Variants in LDLRAD4 observed in about 807,000 individuals in gnomAD.
LDLRAD4 encodes low-density lipoprotein receptor class A domain-containing protein 4.
Under a neutral mutation model 17.0 loss-of-function variants are expected in LDLRAD4, and 5 were observed. That is an observed-to-expected ratio of 0.29 (90% CI 0.15 to 0.62). The LOEUF (loss-of-function observed/expected upper bound fraction) is 0.62. Among genes scored for constraint, LDLRAD4 ranks in the 20% least tolerant of loss-of-function variants. The pLI is 0.84. For synonymous variants in LDLRAD4, 168 were observed against 171.8 expected (o/e 0.98, Z 0.17); for missense variants, 340 against 424.7 (o/e 0.80, Z 1.75).
chr18:13,254,808 C>G (rs1338889732), intron 1 of LDLRAD4, among the ~76,000 whole-genome samples: 1 of 152,020 alleles, frequency 6.6e-6, no homozygotes, highest in African/African-American at 2.4e-5. Flanking sequence ...TACAAAAGCC[C>G]CCAAAATTAG....
At position 13,559,653 on chromosome 18, in the gene LDLRAD4, G is replaced by GTA. The variant is rs138778133; in HGVS notation, c.182-61455_182-61454dup. 8.6e-3 allele frequency among the ~76,000 whole-genome samples: 1,307 copies of GTA among 152,128 alleles called. 20 individuals are homozygous for GTA. The highest frequency in any genetic ancestry group is 0.01 in the Non-Finnish European group (696 of 67,994). On this transcript the variant is annotated intron_variant, in intron 3 of 5. Transcript: ENST00000359446. ...ATGTATGTATGTACATTTTATATAT[G>GTA]TATATATATACATGTAAGCTATTTG...
chr18:13,488,764 G>A (rs2093293624), intron 3 of LDLRAD4: 1 of 152,322 alleles, frequency 6.6e-6, no homozygotes, highest in Admixed American at 6.5e-5. Context: ...CAGGTGCACA[G>A]TTGGAGAAAT....
At chr18:13,363,056 CGT>C (rs1568051886) in intron 1 of LDLRAD4, among the ~76,000 whole-genome samples, 1 of 151,986 alleles carries the variant, frequency 6.6e-6, no homozygotes, top group East Asian at 1.9e-4. Flanking sequence ...GGGGACCAGG[CGT>C]GGTGGCTCAC....
At chr18:13,584,616 T>C (rs2094910596) in intron 3 of LDLRAD4, among the ~76,000 whole-genome samples, 2 of 152,290 alleles carry the variant, frequency 1.3e-5, no homozygotes, top group East Asian at 1.9e-4. Context: ...AAACCTGTCT[T>C]TTCTCATACT....
At chr18:13,494,527 T>C (rs961089720) in intron 3 of LDLRAD4, among the ~76,000 whole-genome samples, 3 of 149,384 alleles carry the variant, frequency 2.0e-5, no homozygotes, top group Non-Finnish European at 4.4e-5. Flanking sequence ...AAAATATACA[T>C]TGAGGCTGGG....
At chr18:13,481,833 C>T (rs2093093557) in intron 3 of LDLRAD4, among the ~76,000 whole-genome samples, 1 of 148,672 alleles carries the variant, frequency 6.7e-6, no homozygotes, top group Non-Finnish European at 1.5e-5. Context: ...GGACAGAAGG[C>T]TTCAACTTAG....
chr18:13,387,849 T>C lies in LDLRAD4; in HGVS notation c.40+87T>C, dbSNP rs2085946257. On this transcript the variant is annotated intron_variant, in intron 2 of 5. Coordinates refer to ENST00000359446, the Ensembl canonical transcript of LDLRAD4. ...AACCACTGCATGCAGTGAACCTACC[T>C]TTGCAGTCAGGAGCTGAAGGCCAAC... The C allele has an allele frequency of 2.4e-6, 3 of 1,225,646 alleles. No individual in the cohort carries two copies. In the Admixed American group the frequency reaches 5.1e-5, roughly 21 times the overall value. 75.9% of individuals were successfully genotyped at this position (1,225,646 alleles called of 1,614,324 possible). A position where few individuals can be genotyped will look rare whatever the true frequency, so the allele number is the denominator to read the frequency against.
rs540643157 is a variant in LDLRAD4 at position 13,390,058 on chromosome 18, A to T, written c.40+2296A>T. Among the ~76,000 whole-genome samples the T allele has an allele frequency of 1.4e-4, 21 of 152,268 alleles. 1 individual carries two copies. In the South Asian group the frequency reaches 4.1e-3, roughly 30 times the overall value. ...TCCAGTGAGATGTTTTGATACATGT[A>T]TGTGTTGTAGAGTGAACAGGTCAGG... is the stretch of plus-strand genomic sequence containing the variant. On this transcript the variant is annotated intron_variant, in intron 2 of 5. Transcript: ENST00000359446.
intron 3 of LDLRAD4, among the ~76,000 whole-genome samples, chr18:13,565,329 T>C (rs1334514836): frequency 6.6e-6 from 1 of 152,188 alleles, no homozygotes; most frequent in African/African-American, 2.4e-5. Context: ...GTGACGGGCC[T>C]TTGTGCTGTG....
At chr18:13,526,434 C>A (rs528911065) in intron 3 of LDLRAD4, 1 of 152,250 alleles carries the variant, frequency 6.6e-6, no homozygotes, top group Non-Finnish European at 1.5e-5. Context: ...GAAGTTAGCT[C>A]CAAAAACAAA....
intron 3 of LDLRAD4, among the ~76,000 whole-genome samples, chr18:13,502,027 G>C (rs916310022): frequency 2.0e-5 from 3 of 152,240 alleles, no homozygotes; most frequent in African/African-American, 7.2e-5. Context: ...TAGGCAAATT[G>C]AGGGGAGAAA....
intron 2 of LDLRAD4, among the ~76,000 whole-genome samples, chr18:13,392,130 T>C (rs2086320500): frequency 6.6e-6 from 1 of 152,250 alleles, no homozygotes; most frequent in Non-Finnish European, 1.5e-5. Flanking sequence ...GATCCTAACT[T>C]TTGAGGCTGT....
At chr18:13,601,639 G>A (rs1204659287) in intron 3 of LDLRAD4, among the ~76,000 whole-genome samples, 1 of 142,664 alleles carries the variant, frequency 7.0e-6, no homozygotes, top group African/African-American at 2.6e-5. Context: ...GGGCGACAGA[G>A]TGAGACTCTG....
At chr18:13,566,367 CT>C (rs11462818) in intron 3 of LDLRAD4, among the ~76,000 whole-genome samples, 36 of 143,490 alleles carry the variant, frequency 2.5e-4, no homozygotes, top group South Asian at 2.2e-4. Context: ...ATGCCTTAGA[CT>C]TTTTTTTTTT....
At chr18:13,221,458 A>G (rs554034972) in intron 1 of LDLRAD4, among the ~76,000 whole-genome samples, 2 of 152,208 alleles carry the variant, frequency 1.3e-5, no homozygotes, top group Non-Finnish European at 2.9e-5. Context: ...ACGGGTGTAC[A>G]TGGAAGATGA....
At chr18:13,320,179 AAG>A (rs2081141514) in intron 1 of LDLRAD4, among the ~76,000 whole-genome samples, 1 of 152,212 alleles carries the variant, frequency 6.6e-6, no homozygotes, top group African/African-American at 2.4e-5. Context: ...TTCTGTTTAC[AAG>A]AGAGAATGCT....
intron 3 of LDLRAD4, among the ~76,000 whole-genome samples, chr18:13,552,138 G>A (rs2094440824): frequency 6.6e-6 from 1 of 152,204 alleles, no homozygotes; most frequent in Non-Finnish European, 1.5e-5. Context: ...GGAGGAGACA[G>A]ACATCCAGAC....
At chr18:13,636,052 C>A (rs2042055169) in intron 4 of LDLRAD4, among the ~76,000 whole-genome samples, 1 of 152,116 alleles carries the variant, frequency 6.6e-6, no homozygotes, top group African/African-American at 2.4e-5. Context: ...CAAAACCCTG[C>A]CCACAGCCTT....
intron 1 of LDLRAD4, among the ~76,000 whole-genome samples, chr18:13,280,394 A>C (rs1045896713): frequency 1.3e-5 from 2 of 152,208 alleles, no homozygotes; most frequent in Non-Finnish European, 2.9e-5. Context: ...TCAGCATTCC[A>C]TGCACAGTCG....
Sources: allele counts gnomAD v4.1 joint callset (sites outside exome capture counted in the v4.1 genomes callset), GRCh38; gene constraint gnomAD v4.1.1; transcripts MANE v1.5; gene names NCBI Gene and HGNC (gene_info 2026-07-23, HGNC 2026-07-21).